MLLT10: variants seen among roughly 807,000 people sequenced by gnomAD.
The protein encoded by MLLT10 is MLLT10 histone lysine methyltransferase DOT1L cofactor, also known as protein AF-10.
A neutral mutation model predicts 129.1 loss-of-function variants in MLLT10; 30 were observed. The ratio of observed to expected loss-of-function variants is 0.23; its 90% CI spans 0.17 to 0.32. The LOEUF is 0.32. Ranked by LOEUF, MLLT10 falls within the 10% of genes least tolerant of loss-of-function variation. The probability of loss-of-function intolerance (pLI) is 1.00; values close to 1 mark genes in which losing one functional copy is unlikely to be tolerated. For synonymous variants in MLLT10, 490 were observed against 446.4 expected (o/e 1.10, Z -1.23); for missense variants, 1,119 against 1,268.3 (o/e 0.88, Z 1.79).
At chr10:21,717,888 T>TCCTCCTCCTCCTCCTCCTCCTC (rs2056846205) in intron 14 of MLLT10, among the ~76,000 whole-genome samples, 1 of 75,952 alleles carries the variant, frequency 1.3e-5, no homozygotes, top group African/African-American at 5.5e-5. Context: ...TCCTCCTCCT[T>TCCTCCTCCTCCTCCTCCTCCTC]CTCCTCCTCC....
intron 9 of MLLT10, among the ~76,000 whole-genome samples, chr10:21,654,057 G>A (rs2131329674): frequency 6.6e-6 from 1 of 152,330 alleles, no homozygotes; most frequent in East Asian, 1.9e-4. Flanking sequence ...TTAAAGAAAG[G>A]TGGGGATAAG....
At chr10:21,545,959 G>T (rs188520364) in intron 3 of MLLT10, among the ~76,000 whole-genome samples, 12 of 152,298 alleles carry the variant, frequency 7.9e-5, no homozygotes. Context: ...GAGCCACCAT[G>T]CCTGGCCTAT....
intron 8 of MLLT10, among the ~76,000 whole-genome samples, chr10:21,641,472 G>T (rs1420931053): frequency 1.3e-5 from 2 of 152,144 alleles, no homozygotes; most frequent in African/African-American, 2.4e-5. Flanking sequence ...AAAAGAAAGA[G>T]ACCCTGTCTG....
chr10:21,733,128 G>A lies in MLLT10; in HGVS notation c.2407+41G>A, dbSNP rs1289144120. ...TTTATTTTGTATCTAAGGAAAATAG[G>A]CTTTCAGTTTTATTTGTATTATAAG... is the stretch of plus-strand genomic sequence containing the variant. On this transcript the variant is annotated intron_variant, in intron 18 of 22. Coordinates refer to ENST00000307729, the MANE Select transcript of MLLT10 (RefSeq NM_001195626.3). 5 of 1,534,590 alleles carry A rather than the reference G, an allele frequency of 3.3e-6. No individual in the cohort carries two copies. The Admixed American group carries it at 1.0e-4, about 31-fold the overall frequency.
chr10:21,564,639 CAG>C (rs1271425471), intron 3 of MLLT10: 1 of 150,580 alleles, frequency 6.6e-6, no homozygotes, highest in Non-Finnish European at 1.5e-5. Flanking sequence ...TTTTTTGAGA[CAG>C]AGTCTCCCCA....
rs561934779 is a variant in MLLT10, at chr10:21,683,222, GTCTTA to G, written c.1699+972_1699+976del. ...AAGGGTAGGGGTCGTTAGGGTGGGA[GTCTTA>G]TCTTATAAGTTATTTTTTATTAATT... On this transcript the variant is annotated intron_variant, in intron 13 of 22. Transcript: ENST00000307729. Among the ~76,000 whole-genome samples the G allele has an allele frequency of 2.9e-3, 434 of 152,234 alleles. 2 individuals carry two copies. Among genetic ancestry groups the G allele is most frequent in the African/African-American group, 0.01 (417 of 41,540 alleles).
intron 8 of MLLT10, among the ~76,000 whole-genome samples, chr10:21,621,316 C>G (rs1401488959): frequency 2.9e-5 from 4 of 140,204 alleles, no homozygotes; most frequent in African/African-American, 5.4e-5. Flanking sequence ...GCGATCTGGG[C>G]TTACTGCAAG....
intron 14 of MLLT10, among the ~76,000 whole-genome samples, chr10:21,721,111 CAT>C (rs1282450477): frequency 6.6e-6 from 1 of 152,060 alleles, no homozygotes; most frequent in Non-Finnish European, 1.5e-5. Flanking sequence ...CATTTTTAAT[CAT>C]GTGTCAGGGC....
intron 3 of MLLT10, among the ~76,000 whole-genome samples, chr10:21,562,341 ATTTATTTT>A (rs1255180176): frequency 6.8e-6 from 1 of 147,106 alleles, no homozygotes; most frequent in African/African-American, 2.6e-5. Context: ...TTATTTATTT[ATTTATTTT>A]TTTTTGAGAC....
intron 5 of MLLT10, among the ~76,000 whole-genome samples, chr10:21,597,016 A>G (rs1047253105): frequency 6.7e-6 from 1 of 148,312 alleles, no homozygotes; most frequent in Non-Finnish European, 1.5e-5. Flanking sequence ...ATATTAATGC[A>G]CTTTTTTTTT....
chr10:21,552,501 C>T (rs1317336253), intron 3 of MLLT10, among the ~76,000 whole-genome samples: 3 of 150,266 alleles, frequency 2.0e-5, no homozygotes, highest in Admixed American at 6.7e-5. Flanking sequence ...AAGCGATTCT[C>T]CTGCCTCAGC....
chr10:21,677,466 T>A (rs2052296177), intron 11 of MLLT10, among the ~76,000 whole-genome samples: 1 of 152,206 alleles, frequency 6.6e-6, no homozygotes, highest in Non-Finnish European at 1.5e-5. Context: ...GTTCCTGTTA[T>A]AAAACGTCAT....
chr10:21,712,135 AGTT>A (rs747717599), intron 13 of MLLT10, among the ~76,000 whole-genome samples: 39 of 152,276 alleles, frequency 2.6e-4, no homozygotes, highest in Non-Finnish European at 4.9e-4. Context: ...AAAATGTCCC[AGTT>A]GTTTTGTTTT....
chr10:21,624,775 T>C, intron 8 of MLLT10: 1 of 1,118,386 alleles, frequency 8.9e-7, no homozygotes, highest in Non-Finnish European at 1.3e-6. Flanking sequence ...CTGCCTTCTC[T>C]TGCGTCCTAC....
At chr10:21,648,721 G>A (rs982605438) in intron 8 of MLLT10, among the ~76,000 whole-genome samples, 20 of 152,230 alleles carry the variant, frequency 1.3e-4, no homozygotes, top group Admixed American at 4.6e-4. Context: ...AGAAATACAC[G>A]AGACTGGGTA....
chr10:21,574,492 G>C (rs1034759489), intron 3 of MLLT10, among the ~76,000 whole-genome samples: 7 of 152,184 alleles, frequency 4.6e-5, no homozygotes, highest in African/African-American at 1.7e-4. Flanking sequence ...CGGATTCATA[G>C]AGTAAAGTGA....
intron 13 of MLLT10, among the ~76,000 whole-genome samples, chr10:21,710,064 C>T (rs1342575019): frequency 6.6e-6 from 1 of 152,176 alleles, no homozygotes; most frequent in Non-Finnish European, 1.5e-5. Flanking sequence ...ATTCTTAGAG[C>T]AGTTTATAAG....
intron 21 of MLLT10, among the ~76,000 whole-genome samples, 182 bp downstream of exon 21, chr10:21,735,417 A>T (rs1461465811): frequency 6.6e-6 from 1 of 152,214 alleles, no homozygotes; most frequent in Non-Finnish European, 1.5e-5. Flanking sequence ...TCCTGAACTT[A>T]AAAGTGACAG....
At chr10:21,571,062 A>AT (rs1306762048) in intron 3 of MLLT10, among the ~76,000 whole-genome samples, 2 of 151,936 alleles carry the variant, frequency 1.3e-5, no homozygotes, top group Admixed American at 6.6e-5. Context: ...TTTAGGGTTA[A>AT]TTTTTTCCTC....
Sources: gnomAD v4.1 joint callset for allele counts (sites outside exome capture counted in the v4.1 genomes callset) on GRCh38, gnomAD v4.1.1 for gene constraint, MANE v1.5 for transcripts, NCBI Gene and HGNC (gene_info 2026-07-23, HGNC 2026-07-21) for gene names.